The following OAS2 variants were observed in gnomAD, a reference collection of about 807,000 sequenced individuals.
The protein encoded by OAS2 is 2'-5'-oligoadenylate synthase 2.
Under a neutral mutation model 71.3 loss-of-function variants are expected in OAS2, and 67 were observed. The ratio of observed to expected loss-of-function variants is 0.94; its 90% CI spans 0.77 to 1.15. The LOEUF (loss-of-function observed/expected upper bound fraction) is 1.15. Among genes scored for constraint, OAS2 ranks in the 50% most tolerant of loss-of-function variants. The pLI is 0.00. For synonymous variants in OAS2, 327 were observed against 321.8 expected (o/e 1.02, Z -0.17); for missense variants, 789 against 822.5 (o/e 0.96, Z 0.50).
chr12:112,999,394 G>A lies in OAS2; in HGVS notation c.1008+984G>A, dbSNP rs3803056. On this transcript the variant is annotated intron_variant, in intron 5 of 9. Coordinates refer to ENST00000392583, the MANE Select transcript of OAS2 (RefSeq NM_002535.3). ...CCTGGGAACCGCACTGGAGACAACT[G>A]TATTAATTGAGGCCAAAGAGGCCAA... Among the ~76,000 whole-genome samples, 414 of 152,286 alleles carry A rather than the reference G, an allele frequency of 2.7e-3. 2 individuals carry two copies. Among genetic ancestry groups the A allele is most frequent in the East Asian group, 0.022 (114 of 5,196 alleles).
Position 113,009,155 on chromosome 12 carries a change from T to C in OAS2, c.1964T>C (p.Leu655Pro). ...GGAGGGGACCGTTGGTGTTGGCATC[T>C]TCTGGCAAAAGAAGCAAAGGAATGG... is the stretch of plus-strand genomic sequence containing the variant. ...VGGGDRWCWH[L>P]LAKEAKEWLS... The change falls in exon 10 of 10, where the codon CTT (leucine) becomes CCT (proline). Residue 655 changes from leucine to proline, a missense_variant. Leu to Pro is a moderately conservative substitution (Grantham distance 98). Transcript: ENST00000392583. 6.2e-7 allele frequency: 1 copy of C among 1,614,144 alleles called. No individual in the cohort carries two copies. The highest frequency in any genetic ancestry group is 8.5e-7 in the Non-Finnish European group (1 of 1,180,018).
intron 6 of OAS2, 151 bp from the exon 7 acceptor site, chr12:113,004,783 A>G: frequency 1.5e-6 from 1 of 658,224 alleles, no homozygotes; most frequent in Non-Finnish European, 2.6e-6. Flanking sequence ...GTAAAAGAAA[A>G]CCCTTTGCTT....
In OAS2 at chr12:112,997,612, C is replaced by T; in HGVS notation, c.720C>T (p.Asp240=). 1 of 1,614,140 alleles carries T rather than the reference C, an allele frequency of 6.2e-7. No homozygotes were observed. The highest frequency in any genetic ancestry group is 1.3e-5 in the African/African-American group (1 of 75,048). ...CCTGGGAACAGGGGTGCAGAAAAGACAACTTTGACATTGCTGAAGGCGTCA... is the reference window on the plus strand; with the variant it reads ...CCTGGGAACAGGGGTGCAGAAAAGATAACTTTGACATTGCTGAAGGCGTCA... The part of the protein sequence containing the change: ...VYAWEQGCRK[D]NFDIAEGVRT... The change falls in exon 4 of 10, where the codon GAC becomes GAT. Residue 240 remains aspartate (D), a synonymous_variant. Transcript: ENST00000392583.
rs1354804001 is a variant in OAS2, at chr12:113,007,954, C to A, written c.1895+11C>A. ...GTTGCAGAAAACCAGGTGCCTTCACCCTAGCCCCGTACTTTTCTTAACCTG... is the reference window on the plus strand; with the variant it reads ...GTTGCAGAAAACCAGGTGCCTTCACACTAGCCCCGTACTTTTCTTAACCTG... On this transcript the variant is annotated intron_variant, in intron 9 of 9. Coordinates refer to ENST00000392583, the MANE Select transcript of OAS2 (RefSeq NM_002535.3). The A allele has an allele frequency of 3.1e-6, 5 of 1,587,884 alleles. No individual in the cohort carries two copies. The highest frequency in any genetic ancestry group is 2.7e-5 in the African/African-American group (2 of 74,348).
At chr12:113,001,393 T>C (rs1340093572) in intron 5 of OAS2, among the ~76,000 whole-genome samples, 1 of 149,224 alleles carries the variant, frequency 6.7e-6, no homozygotes, top group Non-Finnish European at 1.5e-5. Flanking sequence ...TATACACATA[T>C]ATATACACAT....
rs139036279 is a variant in OAS2 at position 113,006,735 on chromosome 12, C to T, written c.1656+135C>T. 22 of 690,568 alleles carry T rather than the reference C, an allele frequency of 3.2e-5. No individual in the cohort carries two copies. In the South Asian group the frequency reaches 3.8e-4, roughly 12 times the overall value. The allele number at this position is 690,568 out of a possible 1,614,324, so 42.8% of individuals were successfully genotyped here. ...AGAATCTGCCCACTGGATATCTTTA[C>T]GACGTTCCCATCACTAACCCTATTC... is the stretch of plus-strand genomic sequence containing the variant. On this transcript the variant is annotated intron_variant, in intron 8 of 9. Transcript: ENST00000392583.
Position 112,978,612 on chromosome 12 carries a change from G to C in OAS2, c.4G>C (p.Gly2Arg). The C allele has an allele frequency of 6.2e-7, 1 of 1,613,918 alleles. No homozygotes were observed. Among genetic ancestry groups the C allele is most frequent in the African/African-American group, 1.3e-5 (1 of 75,032 alleles). The change falls in exon 1 of 10, where the codon GGA becomes CGA. Residue 2 changes from glycine (G) to arginine (R), a missense_variant. Gly to Arg is a moderately radical substitution (Grantham distance 125). Coordinates refer to ENST00000392583, the MANE Select transcript of OAS2 (RefSeq NM_002535.3). The surrounding 1 kb of genome is among the most constrained non-coding windows in gnomAD (Gnocchi z 4.2). M[G>R]NGESQLSSVP... ...TGCCGGCAGCCAGCTGAGAGCAATG[G>C]GAAATGGGGAGTCCCAGCTGTCCTC...
intron 2 of OAS2, 116 bp downstream of exon 2, chr12:112,987,424 A>G (rs779588985): frequency 5.4e-6 from 8 of 1,484,038 alleles, no homozygotes; most frequent in South Asian, 1.4e-5. Flanking sequence ...AAAATGGGAG[A>G]CCATAGACCC....
At chr12:113,007,637 G>A in intron 8 of OAS2, 68 bp from the exon 9 acceptor site, 2 of 1,281,226 alleles carry the variant, frequency 1.6e-6, no homozygotes, top group Non-Finnish European at 2.2e-6. Context: ...GCCTTGCTGT[G>A]GTCCCTGTGC....
chr12:112,994,801 C>A (rs750560261), intron 2 of OAS2, among the ~76,000 whole-genome samples: 2 of 152,194 alleles, frequency 1.3e-5, no homozygotes, highest in Non-Finnish European at 2.9e-5. Context: ...TGTCCCCAGA[C>A]CTCCAGGGCC....
At chr12:113,008,965 G>C in intron 9 of OAS2, 122 bp from the exon 10 acceptor site, 1 of 1,478,740 alleles carries the variant, frequency 6.8e-7, no homozygotes, top group African/African-American at 1.4e-5. Context: ...GTAAATTTGA[G>C]TTGCTGACAT....
rs766129779 is a variant in OAS2, at chr12:113,003,025, AG to A, written c.1103del (p.Ser368MetfsTer36). 6.2e-7 allele frequency: 1 copy of A among 1,614,198 alleles called. No individual in the cohort carries two copies. The highest frequency in any genetic ancestry group is 1.1e-5 in the South Asian group (1 of 91,082). On this transcript the variant is annotated frameshift_variant, in exon 6 of 10. Transcript: ENST00000392583. LOFTEE classifies it high-confidence loss of function. Reference protein sequence around the residue: ...PNKCFLEQIDSAVNIIRTFLK... With the variant: ...PNKCFLEQIDXAVNIIRTFLK... ...CAAATGCTTCCTAGAGCAGATTGAC[AG>A]TGCTGTTAACATCATCCGTACATTC...
Position 113,010,648 on chromosome 12 carries a change from T to C in OAS2, c.*1393T>C. On this transcript the variant is annotated 3_prime_UTR_variant, in exon 10 of 10. Coordinates refer to ENST00000392583, the MANE Select transcript of OAS2 (RefSeq NM_002535.3). ...TTCATAAAGTCTTGCCTTGCTGAAC[T>C]CCCTCTCTGCAGGCAGCCTGCCTTT... The C allele has an allele frequency of 9.7e-7, 1 of 1,026,158 alleles. No individual in the cohort carries two copies. The highest frequency in any genetic ancestry group is 1.3e-6 in the Non-Finnish European group (1 of 770,114). The allele number at this position is 1,026,158 out of a possible 1,614,324, so 63.6% of individuals were successfully genotyped here. A position where few individuals can be genotyped will look rare whatever the true frequency, so the allele number is the denominator to read the frequency against.
In OAS2 at chr12:112,978,866, T is replaced by A. The variant is rs1593192231; in HGVS notation, c.177+81T>A. On this transcript the variant is annotated intron_variant, in intron 1 of 9. Coordinates refer to ENST00000392583, the MANE Select transcript of OAS2 (RefSeq NM_002535.3). This position sits in a 1 kb window ranked among gnomAD's most constrained non-coding sequence, Gnocchi z 4.2. The stretch of plus-strand genomic sequence containing the variant: ...CAAGGCCGAGCTACTGGGTGCTGGG[T>A]GCCTATTATGTGCGAGGCCCACACT... 4.3e-6 allele frequency: 6 copies of A among 1,385,280 alleles called. No individual in the cohort carries two copies. Among genetic ancestry groups the A allele is most frequent in the Non-Finnish European group, 5.9e-6 (6 of 1,015,824 alleles). The allele number at this position is 1,385,280 out of a possible 1,614,324, so 85.8% of individuals were successfully genotyped here. A position where few individuals can be genotyped will look rare whatever the true frequency, so the allele number is the denominator to read the frequency against.
At position 112,987,281 on chromosome 12, in the gene OAS2, G is replaced by C; in HGVS notation, c.421G>C (p.Glu141Gln). 6.2e-7 allele frequency: 1 copy of C among 1,613,822 alleles called. No homozygotes were observed. Among genetic ancestry groups the C allele is most frequent in the South Asian group, 1.1e-5 (1 of 90,962 alleles). ...CACAAAAAATCAGAGAATCTCTTTC[G>C]AGGTGCTGGCCGCCTTCAACGCTCT... ...VFTKNQRISF[E>Q]VLAAFNALSL... The change falls in exon 2 of 10, where the codon GAG becomes CAG. Residue 141 changes from glutamate (E) to glutamine (Q), a missense_variant. Physicochemically the swap from Glu to Gln is conservative, Grantham distance 29 (BLOSUM62 2). Coordinates refer to ENST00000392583, the MANE Select transcript of OAS2 (RefSeq NM_002535.3).
rs2044370509 is a variant in OAS2, at chr12:113,010,437, T to A, written c.*1182T>A. 1 of 1,613,990 alleles carries A rather than the reference T, an allele frequency of 6.2e-7. No individual in the cohort carries two copies. Among genetic ancestry groups the A allele is most frequent in the Middle Eastern group, 1.6e-4 (1 of 6,062 alleles). ...TCCTATTGTCAATGAGATGTTCTCA[T>A]CCAGAAGCCATAGAATCCTGAATAA... On this transcript the variant is annotated 3_prime_UTR_variant, in exon 10 of 10. Coordinates refer to ENST00000392583, the MANE Select transcript of OAS2 (RefSeq NM_002535.3).
rs2044365509 is a variant in OAS2 at position 113,009,939 on chromosome 12, T to C, written c.*684T>C. The C allele has an allele frequency of 1.0e-6, 1 of 987,730 alleles. No individual in the cohort carries two copies. The highest frequency in any genetic ancestry group is 1.2e-6 in the Non-Finnish European group (1 of 831,724). 61.2% of individuals were successfully genotyped at this position (987,730 alleles called of 1,614,324 possible). On this transcript the variant is annotated 3_prime_UTR_variant, in exon 10 of 10. Transcript: ENST00000392583. ...ATACTTGGTTCTCTCCACCAGGTTCTTTCTTTAAAGCAGGATTTCTCAACT... is the reference window on the plus strand; with the variant it reads ...ATACTTGGTTCTCTCCACCAGGTTCCTTCTTTAAAGCAGGATTTCTCAACT...
intron 2 of OAS2, chr12:112,987,871 C>T (rs907055463): frequency 5.1e-6 from 5 of 986,146 alleles, no homozygotes; most frequent in Non-Finnish European, 4.8e-6. Context: ...ACTCCTAAAT[C>T]CCTAAGACCT....
Position 113,010,186 on chromosome 12 carries a change from G to A in OAS2, c.*931G>A. The A allele has an allele frequency of 7.4e-7, 1 of 1,349,834 alleles. No individual in the cohort carries two copies. The highest frequency in any genetic ancestry group is 9.5e-7 in the Non-Finnish European group (1 of 1,052,712). The allele number at this position is 1,349,834 out of a possible 1,614,324, so 83.6% of individuals were successfully genotyped here. A position where few individuals can be genotyped will look rare whatever the true frequency, so the allele number is the denominator to read the frequency against. On this transcript the variant is annotated 3_prime_UTR_variant, in exon 10 of 10. Transcript: ENST00000392583. ...AACCCTGGGGGGAATGTAGGGAAGAGGTGGCCAAGCCAACCGTGGGGTTAG... is the reference window on the plus strand; with the variant it reads ...AACCCTGGGGGGAATGTAGGGAAGAAGTGGCCAAGCCAACCGTGGGGTTAG...
Sources: allele counts gnomAD v4.1 joint callset (sites outside exome capture counted in the v4.1 genomes callset), GRCh38; gene constraint gnomAD v4.1.1; non-coding constraint Gnocchi (gnomAD v3.1); transcripts MANE v1.5; gene names NCBI Gene and HGNC (gene_info 2026-07-23, HGNC 2026-07-21).